RORA: variants seen among roughly 807,000 people sequenced by gnomAD.
RORA encodes the protein RAR related orphan receptor A.
RORA carries 7 observed loss-of-function variants against 69.5 expected under a neutral mutation model. The ratio of observed to expected loss-of-function variants is 0.10; its 90% confidence interval spans 0.06 to 0.19. The LOEUF is 0.19. RORA is among the 10% of genes least tolerant of loss of function. The pLI is 1.00. For synonymous variants in RORA, 261 were observed against 240.8 expected, an observed-to-expected ratio of 1.08 and a Z score of -0.78; for missense variants, 457 against 663.0, an observed-to-expected ratio of 0.69 and a Z score of 3.41.
At position 60,951,656 on chromosome 15, in the gene RORA, A is replaced by T. The variant is rs1595841456; in HGVS notation, c.167-272970T>A. On this transcript the variant is annotated intron_variant, in intron 1 of 10. Coordinates refer to ENST00000335670, the MANE Select transcript of RORA (RefSeq NM_134261.3). ...ACAAACTACCATCAGAGAATACTAC[A>T]AACACCTCTACGCAAATAAACTAGA... 2.6e-5 allele frequency among the ~76,000 whole-genome samples: 4 copies of T among 152,118 alleles called. No individual in the cohort carries two copies. The South Asian group carries it at 8.3e-4, about 32-fold the overall frequency.
At chr15:61,103,626 CGACTCAAA>C (rs1566990494) in intron 1 of RORA, among the ~76,000 whole-genome samples, 1 of 152,188 alleles carries the variant, frequency 6.6e-6, no homozygotes, top group Non-Finnish European at 1.5e-5. Context: ...GAGACCTCAA[CGACTCAAA>C]GTCAGAGTGT....
chr15:60,655,638 T>C (rs2070210186), intron 2 of RORA, among the ~76,000 whole-genome samples: 1 of 152,196 alleles, frequency 6.6e-6, no homozygotes, highest in South Asian at 2.1e-4. Flanking sequence ...TAAAGCTTCC[T>C]ACAGTAGAAG....
At chr15:61,195,120 T>A (rs1028046283) in intron 1 of RORA, among the ~76,000 whole-genome samples, 3 of 152,142 alleles carry the variant, frequency 2.0e-5, no homozygotes, top group Non-Finnish European at 1.5e-5. Flanking sequence ...TATCCCAAAA[T>A]AGCCCCGGTC....
At chr15:60,692,462 A>G (rs889591134) in intron 1 of RORA, among the ~76,000 whole-genome samples, 2 of 152,348 alleles carry the variant, frequency 1.3e-5, no homozygotes, top group Admixed American at 6.5e-5. Context: ...AGAACACAAT[A>G]GCAATCACAA....
chr15:60,793,641 G>C (rs1485383280), intron 1 of RORA, among the ~76,000 whole-genome samples: 2 of 152,232 alleles, frequency 1.3e-5, no homozygotes, highest in African/African-American at 2.4e-5. Flanking sequence ...GCCTGTGTGA[G>C]AAGCAGAGAG....
intron 1 of RORA, chr15:61,181,143 A>G (rs949741974): frequency 1.1e-4 from 16 of 151,900 alleles, no homozygotes; most frequent in African/African-American, 3.6e-4. Flanking sequence ...GTCACCTTAC[A>G]GGCCAATAGG....
chr15:60,531,491 G>C lies in RORA; in HGVS notation c.282+275C>G, dbSNP rs1057310433. ...CTCTTTTTTAAAAAAGATTGCCACA[G>C]AGATTGCTCATGAGTTCAACTCTGG... On this transcript the variant is annotated intron_variant, in intron 3 of 10. Transcript: ENST00000335670. The surrounding 1 kb of genome is among the most constrained non-coding windows in gnomAD (Gnocchi z 4.8). 8.7e-6 allele frequency: 3 copies of C among 343,164 alleles called. No homozygotes were observed. The highest frequency in any genetic ancestry group is 2.2e-5 in the African/African-American group (1 of 45,888). The allele number at this position is 343,164 out of a possible 1,614,324, so 21.3% of individuals were successfully genotyped here.
chr15:61,192,852 C>T (rs559677161), intron 1 of RORA, among the ~76,000 whole-genome samples: 2 of 152,180 alleles, frequency 1.3e-5, no homozygotes, highest in African/African-American at 4.8e-5. Context: ...ATCTGTGAAA[C>T]GGAGCTAACA....
intron 2 of RORA, among the ~76,000 whole-genome samples, chr15:60,660,819 G>A (rs1391955985): frequency 6.6e-6 from 1 of 152,168 alleles, no homozygotes; most frequent in Admixed American, 6.5e-5. Flanking sequence ...AAGATCTCAA[G>A]ATGTCAGAGT....
At chr15:60,866,854 A>AT (rs56403821) in intron 1 of RORA, among the ~76,000 whole-genome samples, 44,499 of 145,486 alleles carry the variant, frequency 0.31, 6,756 homozygotes, top group South Asian at 0.37. Flanking sequence ...CTATCTATCT[A>AT]CCTACCTACC....
chr15:60,707,585 G>A (rs534684804), intron 1 of RORA, among the ~76,000 whole-genome samples: 30 of 152,026 alleles, frequency 2.0e-4, no homozygotes, highest in African/African-American at 7.0e-4. Context: ...GGATGGTCTC[G>A]ATCTCCTGAC....
rs570904243 is a variant in RORA at position 60,803,487 on chromosome 15, G to A, written c.167-124801C>T. ...TAAAGAGGAGGTCCCTGCATGCAAC[G>A]TGCATGTCAGCTTTTGCTGCTCCAA... On this transcript the variant is annotated intron_variant, in intron 1 of 10. Transcript: ENST00000335670. Among the ~76,000 whole-genome samples the A allele has an allele frequency of 5.9e-5, 9 of 152,308 alleles. No individual in the cohort carries two copies. The East Asian group carries it at 9.6e-4, about 16-fold the overall frequency.
At chr15:60,908,239 G>A (rs528769859) in intron 1 of RORA, among the ~76,000 whole-genome samples, 1 of 152,244 alleles carries the variant, frequency 6.6e-6, no homozygotes, top group Non-Finnish European at 1.5e-5. Flanking sequence ...TGACCGTAGG[G>A]TGTGTGTGGA....
At chr15:60,683,084 C>T (rs960241144) in intron 1 of RORA, among the ~76,000 whole-genome samples, 6 of 152,132 alleles carry the variant, frequency 3.9e-5, no homozygotes, top group East Asian at 3.8e-4. Context: ...CATCATAGCT[C>T]GCTGCAGCCT....
intron 1 of RORA, among the ~76,000 whole-genome samples, chr15:61,035,062 T>C (rs1454646266): frequency 6.6e-6 from 1 of 152,236 alleles, no homozygotes; most frequent in Non-Finnish European, 1.5e-5. Flanking sequence ...CAGACCTTAA[T>C]TAGCATTGTA....
At chr15:60,949,911 T>A (rs1041713644) in intron 1 of RORA, among the ~76,000 whole-genome samples, 2 of 152,174 alleles carry the variant, frequency 1.3e-5, no homozygotes, top group Non-Finnish European at 2.9e-5. Flanking sequence ...TCCAGCTCGG[T>A]AGGCTAGAAA....
chr15:61,013,933 G>A (rs555763855), intron 1 of RORA, among the ~76,000 whole-genome samples: 16 of 151,910 alleles, frequency 1.1e-4, no homozygotes, highest in Non-Finnish European at 1.8e-4. Flanking sequence ...ACAGGCGCCC[G>A]CCACCACGCC....
chr15:60,994,335 T>A (rs1043893630), intron 1 of RORA, among the ~76,000 whole-genome samples: 2 of 152,226 alleles, frequency 1.3e-5, no homozygotes, highest in African/African-American at 4.8e-5. Context: ...TCTCCTCAAA[T>A]GTAGTAGCTG....
chr15:60,906,320 T>G (rs1315993441), intron 1 of RORA, among the ~76,000 whole-genome samples: 1 of 152,214 alleles, frequency 6.6e-6, no homozygotes, highest in Non-Finnish European at 1.5e-5. Context: ...TGTAACAAAA[T>G]TAACTACCAG....
Sources: allele counts gnomAD v4.1 joint callset (sites outside exome capture counted in the v4.1 genomes callset), GRCh38; gene constraint gnomAD v4.1.1; non-coding constraint Gnocchi (gnomAD v3.1); transcripts MANE v1.5; gene names NCBI Gene and HGNC (gene_info 2026-07-23, HGNC 2026-07-21).